TNNC2: variants seen among roughly 807,000 people sequenced by gnomAD.
TNNC2 encodes the protein troponin C2, fast skeletal type.
A neutral mutation model predicts 20.0 loss-of-function variants in TNNC2; 14 were observed. The ratio of observed to expected loss-of-function variants is 0.70; its 90% CI spans 0.46 to 1.09. The LOEUF (loss-of-function observed/expected upper bound fraction) is 1.09, where lower values mean the gene tolerates loss of function less well. Among genes scored for constraint, TNNC2 ranks in the 50% least tolerant of loss-of-function variants. The pLI is 0.00. For missense variants in TNNC2, 163 were observed against 223.8 expected (o/e 0.73, Z 1.73); for synonymous variants, 81 against 77.3 (o/e 1.05, Z -0.25).
At chr20:45,833,190 G>C (rs1048999220) in intron 2 of TNNC2, 2 of 131,238 alleles carry the variant, frequency 1.5e-5, no homozygotes, top group Non-Finnish European at 1.8e-5. Flanking sequence ...GAAAGAAAGA[G>C]AGAGAGAGAA....
chr20:45,825,331 G>A (rs1421578858), intron 1 of TNNC2, among the ~76,000 whole-genome samples: 1 of 150,286 alleles, frequency 6.7e-6, no homozygotes, highest in African/African-American at 2.5e-5. Flanking sequence ...TCGCCCTGTC[G>A]CCCAGGCTGG....
chr20:45,823,602 A>T lies in TNNC2; in HGVS notation c.452-223T>A, dbSNP rs1294470469. ...TCTCCTAGGCTCAAGCGATCCTCTT[A>T]CCTCAGCCCCCGGAGCAACTGGGAC... On this transcript the variant is annotated intron_variant, in intron 5 of 5. Transcript: ENST00000372555. This position sits in a 1 kb window ranked among gnomAD's most constrained non-coding sequence, Gnocchi z 4.6. 1.3e-5 allele frequency among the ~76,000 whole-genome samples: 2 copies of T among 151,836 alleles called. No individual in the cohort carries two copies. Among genetic ancestry groups the T allele is most frequent in the Non-Finnish European group, 2.9e-5 (2 of 67,946 alleles).
At chr20:45,824,710 C>CCCCCCCTG in intron 2 of TNNC2, 72 bp from the exon 3 acceptor site, 1 of 1,593,536 alleles carries the variant, frequency 6.3e-7, no homozygotes, top group Non-Finnish European at 8.5e-7. Context: ...CCCCCCAACC[C>CCCCCCCTG]CCACCCTGCC....
upstream of TNNC2, among the ~76,000 whole-genome samples, chr20:45,828,732 G>A (rs1251638791): frequency 6.6e-6 from 1 of 152,110 alleles, no homozygotes; most frequent in Admixed American, 6.6e-5. Flanking sequence ...GTAGACAGTG[G>A]CTACGTGGAC....
At chr20:45,826,263 A>G (rs1982967182) in intron 1 of TNNC2, among the ~76,000 whole-genome samples, 1 of 152,230 alleles carries the variant, frequency 6.6e-6, no homozygotes, top group Non-Finnish European at 1.5e-5. Context: ...CAGGCCACAG[A>G]TCAGGCACTG....
chr20:45,823,858 A>C lies in TNNC2; in HGVS notation c.451+133T>G. On this transcript the variant is annotated intron_variant, in intron 5 of 5. Coordinates refer to ENST00000372555, the MANE Select transcript of TNNC2 (RefSeq NM_003279.3). This position sits in a 1 kb window ranked among gnomAD's most constrained non-coding sequence, Gnocchi z 4.6. ...GCGCTTCTATACCTGCCCCCAGGAG[A>C]CTATGGGGAACTTGGTGAAGTTACG... 1 of 1,419,136 alleles carries C rather than the reference A, an allele frequency of 7.0e-7. No individual in the cohort carries two copies. The highest frequency in any genetic ancestry group is 9.6e-7 in the Non-Finnish European group (1 of 1,043,004). The allele number at this position is 1,419,136 out of a possible 1,614,324, so 87.9% of individuals were successfully genotyped here. A position where few individuals can be genotyped will look rare whatever the true frequency, so the allele number is the denominator to read the frequency against.
chr20:45,824,698 C>G (rs1982916625), intron 2 of TNNC2, 60 bp from the exon 3 acceptor site: 1 of 1,551,304 alleles, frequency 6.4e-7, no homozygotes. Flanking sequence ...TCACACCTAC[C>G]CCCCCCCAAC....
Position 45,823,242 on chromosome 20 carries a change from A to T in TNNC2, c.*106T>A. 1 of 1,122,630 alleles carries T rather than the reference A, an allele frequency of 8.9e-7. No individual in the cohort carries two copies. The highest frequency in any genetic ancestry group is 1.2e-6 in the Non-Finnish European group (1 of 814,218). 69.5% of individuals were successfully genotyped at this position (1,122,630 alleles called of 1,614,324 possible). A position where few individuals can be genotyped will look rare whatever the true frequency, so the allele number is the denominator to read the frequency against. ...TGGAACATTTGCTTTTATTCCTTCC[A>T]GACAAAGACCCACAAGGGGTCGCGC... On this transcript the variant is annotated 3_prime_UTR_variant, in exon 6 of 6. Transcript: ENST00000372555. The surrounding 1 kb of genome is among the most constrained non-coding windows in gnomAD (Gnocchi z 4.6).
At chr20:45,830,335 CAAAAAAAAAAA>C (rs781603612), upstream of TNNC2, among the ~76,000 whole-genome samples, 3 of 54,190 alleles carry the variant, frequency 5.5e-5, no homozygotes, top group South Asian at 1.3e-3. Flanking sequence ...GACTGCATCT[CAAAAAAAAAAA>C]AAAAAAAAAA....
upstream of TNNC2, among the ~76,000 whole-genome samples, chr20:45,829,785 CAA>C (rs796645068): frequency 2.3e-5 from 3 of 130,634 alleles, no homozygotes; most frequent in Non-Finnish European, 3.3e-5. Flanking sequence ...GACCCCGTCT[CAA>C]AAAAAAAAAA....
intron 2 of TNNC2, among the ~76,000 whole-genome samples, chr20:45,832,993 T>A (rs1433790851): frequency 6.6e-6 from 1 of 152,082 alleles, no homozygotes; most frequent in African/African-American, 2.4e-5. Flanking sequence ...AATACAAAAA[T>A]TAGCTGGGTG....
upstream of TNNC2, among the ~76,000 whole-genome samples, chr20:45,831,180 G>A (rs547765222): frequency 4.5e-4 from 68 of 152,262 alleles, no homozygotes; most frequent in African/African-American, 1.6e-3. Context: ...CAGATACTTG[G>A]GAGGCTGAGG....
intron 1 of TNNC2, among the ~76,000 whole-genome samples, chr20:45,825,948 G>A (rs1282653769): frequency 1.3e-5 from 2 of 152,178 alleles, no homozygotes; most frequent in Non-Finnish European, 2.9e-5. Flanking sequence ...CAAAAGAGAG[G>A]AGACAACAAG....
At chr20:45,832,167 C>T (rs1360177402), upstream of TNNC2, among the ~76,000 whole-genome samples, 1 of 152,044 alleles carries the variant, frequency 6.6e-6, no homozygotes, top group Non-Finnish European at 1.5e-5. Flanking sequence ...CAAAAATTAG[C>T]CGCATGGTGG....
In TNNC2 at chr20:45,824,481, G is replaced by C. The variant is rs1478647972; in HGVS notation, c.199+14C>G. 6.2e-7 allele frequency: 1 copy of C among 1,613,006 alleles called. No homozygotes were observed. On this transcript the variant is annotated intron_variant, in intron 3 of 5. Transcript: ENST00000372555. ...CTCCCCACCATCCCCTGCCTCCGAG[G>C]GACACCCGCTCACCGTCCTCATCCA...
In TNNC2 at chr20:45,824,396, G is replaced by A; in HGVS notation, c.210C>T (p.Thr70=). Residue 70 remains threonine, a synonymous_variant, in exon 4 of 6, where the codon ACC becomes ACT. Coordinates refer to ENST00000372555, the MANE Select transcript of TNNC2 (RefSeq NM_003279.3). ...TGACCAAGAACTCCTCGAAGTCGATGGTGCCGCTGCCTGCGGGCAGCAGGT... is the reference window on the plus strand; with the variant it reads ...TGACCAAGAACTCCTCGAAGTCGATAGTGCCGCTGCCTGCGGGCAGCAGGT... ...IEEVDEDGSG[T]IDFEEFLVMM... The A allele has an allele frequency of 1.2e-6, 2 of 1,610,708 alleles. No homozygotes were observed. The highest frequency in any genetic ancestry group is 1.3e-5 in the African/African-American group (1 of 75,044).
At chr20:45,827,610 G>T (rs889877125), upstream of TNNC2, among the ~76,000 whole-genome samples, 5 of 152,218 alleles carry the variant, frequency 3.3e-5, no homozygotes, top group African/African-American at 1.2e-4. Context: ...AGGATGATCA[G>T]AGTAGTAAAG....
upstream of TNNC2, among the ~76,000 whole-genome samples, chr20:45,829,594 A>C (rs1430693149): frequency 6.6e-6 from 1 of 151,720 alleles, no homozygotes; most frequent in Non-Finnish European, 1.5e-5. Context: ...CCTGGCTAAC[A>C]CAGTGAAACC....
In TNNC2 at chr20:45,823,787, GC is replaced by G. The variant is rs1982873249; in HGVS notation, c.451+203del. Among the ~76,000 whole-genome samples the G allele has an allele frequency of 1.3e-5, 2 of 151,910 alleles. No homozygotes were observed. Among genetic ancestry groups the G allele is most frequent in the South Asian group, 4.2e-4 (2 of 4,800 alleles). On this transcript the variant is annotated intron_variant, in intron 5 of 5. Transcript: ENST00000372555. The surrounding 1 kb of genome is among the most constrained non-coding windows in gnomAD (Gnocchi z 4.6). ...GGATTTTACAGTCCTGAGCCACCAC[GC>G]CCCCCTGCCTGGTCATTAATTGATA...
Sources: allele counts gnomAD v4.1 joint callset (sites outside exome capture counted in the v4.1 genomes callset), GRCh38; gene constraint gnomAD v4.1.1; non-coding constraint Gnocchi (gnomAD v3.1); transcripts MANE v1.5; gene names NCBI Gene and HGNC (gene_info 2026-07-23, HGNC 2026-07-21).